The following FRMPD4 variants were observed in gnomAD, a reference collection of about 807,000 sequenced individuals.
FRMPD4 encodes the protein FERM and PDZ domain containing 4.
In FRMPD4, 22 loss-of-function variants were observed where a neutral mutation model predicts 94.1. That is an observed-to-expected ratio of 0.23 (90% CI 0.17 to 0.33). FRMPD4 has a LOEUF of 0.33. Among genes scored for constraint, FRMPD4 ranks in the 10% least tolerant of loss-of-function variants. The pLI is 1.00. For synonymous variants in FRMPD4, 631 were observed against 548.6 expected, an observed-to-expected ratio of 1.15 and a Z score of -2.10; for missense variants, 1,111 against 1,339.9, an observed-to-expected ratio of 0.83 and a Z score of 2.67.
At chrX:11,841,481 AT>A (rs1257376541) in intron 1 of FRMPD4, among the ~76,000 whole-genome samples, 1 of 106,766 alleles carries the variant, frequency 9.4e-6, no homozygotes, top group Non-Finnish European at 1.9e-5. Flanking sequence ...TTTGATTTGC[AT>A]TTCTCTGATG....
chrX:11,990,922 AG>A (rs1194066329), intron 3 of FRMPD4, among the ~76,000 whole-genome samples: 2 of 111,442 alleles, frequency 1.8e-5, no homozygotes, highest in Non-Finnish European at 3.8e-5. Context: ...GTTTGTTGGG[AG>A]AATTCATTTT....
intron 2 of FRMPD4, among the ~76,000 whole-genome samples, chrX:12,515,789 G>A (rs1023799798): frequency 9.0e-6 from 1 of 110,795 alleles, no homozygotes; most frequent in Non-Finnish European, 1.9e-5. Flanking sequence ...CAGTGGGGTC[G>A]ATAGTGGGAG....
chrX:12,291,725 C>A (rs2054693293), intron 1 of FRMPD4, among the ~76,000 whole-genome samples: 1 of 111,629 alleles, frequency 9.0e-6, no homozygotes, highest in Non-Finnish European at 1.9e-5. Context: ...AGTCTCCGAT[C>A]ATTTCTTAGT....
At chrX:12,277,189 A>T (rs2054455212) in intron 1 of FRMPD4, among the ~76,000 whole-genome samples, 1 of 111,763 alleles carries the variant, frequency 8.9e-6, no homozygotes, top group Non-Finnish European at 1.9e-5. Context: ...AACTCAGTAG[A>T]TACAAAACAT....
chrX:12,544,201 G>A (rs1178996522), intron 2 of FRMPD4, among the ~76,000 whole-genome samples: 1 of 110,469 alleles, frequency 9.1e-6, no homozygotes, highest in Non-Finnish European at 1.9e-5. Context: ...AAACCTGCAT[G>A]TTGTGCACAT....
chrX:12,194,080 C>T (rs944563080), intron 1 of FRMPD4, among the ~76,000 whole-genome samples: 57 of 109,187 alleles, frequency 5.2e-4, no homozygotes, highest in African/African-American at 1.8e-3. Context: ...CAAGACCAAA[C>T]GGAATGCTAG....
chrX:12,317,604 C>CAAAAAAAAAAAAAAAAAAAAAAA (rs879024487), intron 1 of FRMPD4, among the ~76,000 whole-genome samples: 1 of 64,999 alleles, frequency 1.5e-5, no homozygotes, highest in African/African-American at 7.0e-5. Flanking sequence ...AAAAAAAAAA[C>CAAAAAAAAAAAAAAAAAAAAAAA]AAAAAAAACA....
At chrX:12,679,238 T>A (rs141590104) in intron 5 of FRMPD4, among the ~76,000 whole-genome samples, 1,833 of 112,426 alleles carry the variant, frequency 0.016, 39 homozygotes, top group African/African-American at 0.056. Flanking sequence ...CTGTGTTTTG[T>A]GTTCTCTTAC....
chrX:12,337,069 G>A (rs770587724), intron 1 of FRMPD4, among the ~76,000 whole-genome samples: 4 of 111,415 alleles, frequency 3.6e-5, no homozygotes, highest in Admixed American at 2.9e-4. Flanking sequence ...AGGTCAGGAT[G>A]TATAGAATAA....
intron 1 of FRMPD4, among the ~76,000 whole-genome samples, chrX:12,260,888 T>C (rs1033444502): frequency 1.8e-5 from 2 of 112,106 alleles, no homozygotes; most frequent in African/African-American, 6.5e-5. Flanking sequence ...TGCATATGGC[T>C]AACTTCTCTT....
intron 1 of FRMPD4, among the ~76,000 whole-genome samples, chrX:12,360,919 C>G (rs752462372): frequency 2.1e-5 from 2 of 95,966 alleles, no homozygotes; most frequent in African/African-American, 7.8e-5. Context: ...TTCTTGTATT[C>G]TATGGCTTTT....
intron 16 of FRMPD4, among the ~76,000 whole-genome samples, chrX:12,720,044 G>A (rs760716701): frequency 2.6e-4 from 8 of 30,387 alleles, no homozygotes; most frequent in Admixed American, 1.4e-3. Context: ...GGAAAGGAAA[G>A]GAAAGGAAAG....
chrX:12,365,728 T>A (rs773712920), intron 1 of FRMPD4, among the ~76,000 whole-genome samples: 4 of 112,251 alleles, frequency 3.6e-5, no homozygotes, highest in Non-Finnish European at 7.5e-5. Context: ...AGGGCACCTG[T>A]CCTGCCACCA....
rs894511581 is a variant in FRMPD4 at position 12,317,594 on chromosome X, A to C, written c.41+178582A>C. Among the ~76,000 whole-genome samples the C allele has an allele frequency of 1.0e-4, 11 of 107,892 alleles. No individual in the cohort carries two copies. In the East Asian group the frequency reaches 2.0e-3, roughly 19 times the overall value. The allele number at this position is 107,892 out of a possible 115,157, so 93.7% of individuals were successfully genotyped here. A position where few individuals can be genotyped will look rare whatever the true frequency, so the allele number is the denominator to read the frequency against. On this transcript the variant is annotated intron_variant, in intron 1 of 16. Coordinates refer to ENST00000675598, the MANE Select transcript of FRMPD4 (RefSeq NM_001368397.1). The stretch of plus-strand genomic sequence containing the variant: ...TCAAACAACTAAATAGCAAAAAAAA[A>C]AAAAAAAAACAAAAAAAACAAAAAC...
intron 1 of FRMPD4, among the ~76,000 whole-genome samples, chrX:12,426,813 A>C (rs56800822): frequency 0.015 from 1,635 of 111,518 alleles, 40 homozygotes; most frequent in African/African-American, 0.051. Context: ...CATGCACTCA[A>C]ATCTTGACTT....
chrX:12,721,939 TCTC>T lies in FRMPD4; in HGVS notation c.*84_*86del, dbSNP rs1481555860. ...ACTTTGTGTGTATGATGAACAGATG[TCTC>T]CTTTCTTCTCTCTGTATATTTTGTT... is the stretch of plus-strand genomic sequence containing the variant. On this transcript the variant is annotated 3_prime_UTR_variant, in exon 17 of 17. Coordinates refer to ENST00000675598, the MANE Select transcript of FRMPD4 (RefSeq NM_001368397.1). 1 of 342,266 alleles carries T rather than the reference TCTC, an allele frequency of 2.9e-6. No homozygotes were observed. Among genetic ancestry groups the T allele is most frequent in the Non-Finnish European group, 3.8e-6 (1 of 261,610 alleles). 28.2% of individuals were successfully genotyped at this position (342,266 alleles called of 1,213,427 possible). A position where few individuals can be genotyped will look rare whatever the true frequency, so the allele number is the denominator to read the frequency against.
chrX:12,305,725 G>GTTTTTTGTTTTTTTT (rs2054927088), intron 1 of FRMPD4, among the ~76,000 whole-genome samples: 1 of 59,721 alleles, frequency 1.7e-5, no homozygotes, highest in African/African-American at 7.6e-5. Flanking sequence ...AGCTGGCTAA[G>GTTTTTTGTTTTTTTT]TTTTTTTTTT....
intron 3 of FRMPD4, among the ~76,000 whole-genome samples, chrX:12,060,353 G>A (rs1601910449): frequency 9.7e-6 from 1 of 102,700 alleles, no homozygotes. Flanking sequence ...TTGCATTTCT[G>A]TGATGATTAA....
intron 2 of FRMPD4, among the ~76,000 whole-genome samples, chrX:11,875,819 G>A (rs1205128638): frequency 1.9e-5 from 2 of 106,264 alleles, no homozygotes; most frequent in African/African-American, 6.9e-5. Flanking sequence ...AGAGGGGACA[G>A]AAAGCCTTGC....
Sources: gnomAD v4.1 joint callset for allele counts (sites outside exome capture counted in the v4.1 genomes callset) on GRCh38, gnomAD v4.1.1 for gene constraint, MANE v1.5 for transcripts, NCBI Gene and HGNC (gene_info 2026-07-23, HGNC 2026-07-21) for gene names.